Variants in WDFY2 observed in about 807,000 individuals in gnomAD.
WDFY2 encodes WD repeat and FYVE domain containing 2.
In WDFY2, 36 loss-of-function variants were observed where a neutral mutation model predicts 56.4. That is an observed-to-expected ratio of 0.64 (90% CI 0.49 to 0.84). The LOEUF (loss-of-function observed/expected upper bound fraction) is 0.84, where lower values mean the gene tolerates loss of function less well. Ranked by LOEUF, WDFY2 falls within the 40% of genes least tolerant of loss-of-function variation. The probability of loss-of-function intolerance (pLI) is 0.00; values close to 1 mark genes in which losing one functional copy is unlikely to be tolerated. For synonymous variants in WDFY2, 176 were observed against 183.7 expected (o/e 0.96, Z 0.34); for missense variants, 444 against 512.2 (o/e 0.87, Z 1.29).
intron 1 of WDFY2, among the ~76,000 whole-genome samples, chr13:51,644,812 A>G (rs1955235390): frequency 6.6e-6 from 1 of 152,234 alleles, no homozygotes; most frequent in East Asian, 1.9e-4. Flanking sequence ...AGAGGGGACC[A>G]GAGGCTGGAC....
chr13:51,724,752 C>G (rs988940862), intron 5 of WDFY2, among the ~76,000 whole-genome samples: 1 of 152,204 alleles, frequency 6.6e-6, no homozygotes, highest in Non-Finnish European at 1.5e-5. Flanking sequence ...AGGGTTCACT[C>G]TTGGTGTTGT....
rs988986228 is a variant in WDFY2, at chr13:51,667,843, G to A, written c.205+7180G>A. On this transcript the variant is annotated intron_variant, in intron 2 of 11. Coordinates refer to ENST00000298125, the MANE Select transcript of WDFY2 (RefSeq NM_052950.4). ...TAATGTAATGTGATCTTTTAATTCT[G>A]TATTTACTAAGAAGAAAAAGGTACC... Among the ~76,000 whole-genome samples the A allele has an allele frequency of 8.0e-5, 8 of 100,196 alleles. No homozygotes were observed. The Admixed American group carries it at 8.6e-4, about 11-fold the overall frequency. The allele number at this position is 100,196 out of a possible 152,430, so 65.7% of individuals were successfully genotyped here.
chr13:51,737,551 T>TAAAAAAA (rs67418551), intron 6 of WDFY2, among the ~76,000 whole-genome samples: 43 of 53,240 alleles, frequency 8.1e-4, no homozygotes, highest in East Asian at 2.2e-3. Flanking sequence ...ACAATGAATT[T>TAAAAAAA]AAAAAAAAAA....
intron 8 of WDFY2, 32 bp downstream of exon 8, chr13:51,751,447 G>A: frequency 6.3e-7 from 1 of 1,594,180 alleles, no homozygotes; most frequent in South Asian, 1.1e-5. Context: ...GGTGGGCCCT[G>A]TGGTTCTGGC....
At chr13:51,670,592 G>A (rs1410241666) in intron 2 of WDFY2, among the ~76,000 whole-genome samples, 2 of 151,784 alleles carry the variant, frequency 1.3e-5, no homozygotes, top group African/African-American at 4.8e-5. Flanking sequence ...TTATGCCTTT[G>A]GATGTGCCTG....
intron 4 of WDFY2, among the ~76,000 whole-genome samples, chr13:51,709,811 AAAG>A (rs1440728407): frequency 6.6e-6 from 1 of 152,200 alleles, no homozygotes; most frequent in Non-Finnish European, 1.5e-5. Context: ...CCAACCAAAA[AAAG>A]TCCAGGACCA....
At chr13:51,631,675 A>G (rs1954955504) in intron 1 of WDFY2, among the ~76,000 whole-genome samples, 1 of 152,096 alleles carries the variant, frequency 6.6e-6, no homozygotes, top group South Asian at 2.1e-4. Flanking sequence ...TTGAAAGCAT[A>G]ATTTGCATTA....
chr13:51,755,551 T>C, intron 9 of WDFY2, 92 bp downstream of exon 9: 1 of 1,239,902 alleles, frequency 8.1e-7, no homozygotes, highest in Non-Finnish European at 1.2e-6. Flanking sequence ...GGGTGGGAGT[T>C]GTGGTGAGGG....
At chr13:51,609,790 A>G (rs915500467) in intron 1 of WDFY2, among the ~76,000 whole-genome samples, 3 of 152,254 alleles carry the variant, frequency 2.0e-5, no homozygotes, top group Admixed American at 1.3e-4. Flanking sequence ...AAATATATGC[A>G]TCTATTATAT....
intron 3 of WDFY2, among the ~76,000 whole-genome samples, chr13:51,676,291 T>C (rs997648177): frequency 2.0e-5 from 3 of 152,198 alleles, no homozygotes; most frequent in African/African-American, 2.4e-5. Flanking sequence ...ATGTCCACCC[T>C]TGAGTGCAGG....
At chr13:51,666,519 A>G (rs918089153) in intron 2 of WDFY2, among the ~76,000 whole-genome samples, 1 of 152,152 alleles carries the variant, frequency 6.6e-6, no homozygotes, top group Non-Finnish European at 1.5e-5. Flanking sequence ...GGTGGAGAAG[A>G]GGATGGAGGG....
chr13:51,714,856 A>T (rs888929850), intron 4 of WDFY2, among the ~76,000 whole-genome samples: 2 of 152,244 alleles, frequency 1.3e-5, no homozygotes, highest in African/African-American at 2.4e-5. Flanking sequence ...GGGATTGCTT[A>T]CTACATGCCT....
chr13:51,654,765 T>G lies in WDFY2; in HGVS notation c.138-5831T>G, dbSNP rs549377221. Among the ~76,000 whole-genome samples, 3 of 152,326 alleles carry G rather than the reference T, an allele frequency of 2.0e-5. No individual in the cohort carries two copies. In the South Asian group the frequency reaches 6.2e-4, roughly 32 times the overall value. Reference sequence around the variant, plus strand: ...CTAACCATCCATATGGCACTTTTGATCTCTAAGATGCAGAACCTTTTTTTT... The same window carrying G: ...CTAACCATCCATATGGCACTTTTGAGCTCTAAGATGCAGAACCTTTTTTTT... On this transcript the variant is annotated intron_variant, in intron 1 of 11. Transcript: ENST00000298125.
At chr13:51,730,336 T>G (rs908701532) in intron 6 of WDFY2, among the ~76,000 whole-genome samples, 4 of 152,162 alleles carry the variant, frequency 2.6e-5, no homozygotes, top group Admixed American at 2.6e-4. Context: ...TTCAGCAGCA[T>G]TTTACATTGT....
intron 6 of WDFY2, 149 bp from the exon 7 acceptor site, chr13:51,738,900 C>T (rs1177092354): frequency 1.8e-5 from 19 of 1,051,674 alleles, no homozygotes; most frequent in Non-Finnish European, 2.3e-5. Context: ...CAACTTTTTT[C>T]TCTTTGGGGA....
At chr13:51,586,766 A>G (rs930569299) in intron 1 of WDFY2, 4 of 152,214 alleles carry the variant, frequency 2.6e-5, no homozygotes, top group African/African-American at 9.6e-5. Flanking sequence ...TGTACAATGT[A>G]AATAATAGAA....
At chr13:51,591,246 G>T (rs1424142300) in intron 1 of WDFY2, 2 of 152,248 alleles carry the variant, frequency 1.3e-5, no homozygotes, top group African/African-American at 2.4e-5. Flanking sequence ...CAGCATGCTT[G>T]TGTGAAACTG....
Position 51,641,950 on chromosome 13 carries a change from T to G in WDFY2, c.138-18646T>G, listed in dbSNP as rs559578568. On this transcript the variant is annotated intron_variant, in intron 1 of 11. Transcript: ENST00000298125. ...TATTTAATCTGGAAAAGGAAATACA[T>G]TTTGATCTGATCTTGAGCTAATTTC... Among the ~76,000 whole-genome samples the G allele has an allele frequency of 9.2e-5, 14 of 152,162 alleles. 1 individual carries two copies. The highest frequency in any genetic ancestry group is 6.5e-4 in the Admixed American group (10 of 15,288).
intron 3 of WDFY2, among the ~76,000 whole-genome samples, chr13:51,680,942 G>A (rs1270102269): frequency 1.3e-5 from 2 of 152,192 alleles, no homozygotes; most frequent in African/African-American, 4.8e-5. Flanking sequence ...GAATTAGGAA[G>A]GAGCTTGTGT....
Sources: allele counts gnomAD v4.1 joint callset (sites outside exome capture counted in the v4.1 genomes callset), GRCh38; gene constraint gnomAD v4.1.1; transcripts MANE v1.5; gene names NCBI Gene and HGNC (gene_info 2026-07-23, HGNC 2026-07-21).